TNKS: variants seen among roughly 807,000 people sequenced by gnomAD.
The protein encoded by TNKS is poly [ADP-ribose] polymerase tankyrase-1.
TNKS carries 72 observed loss-of-function variants against 135.8 expected under a neutral mutation model. That is an observed-to-expected ratio of 0.53 (90% confidence interval 0.44 to 0.64). The LOEUF (loss-of-function observed/expected upper bound fraction) is 0.64, where lower values mean the gene tolerates loss of function less well. Among genes scored for constraint, TNKS ranks in the 30% least tolerant of loss-of-function variants. TNKS has a pLI of 0.00. For missense variants in TNKS, 1,769 were observed against 1,674.0 expected, an observed-to-expected ratio of 1.06 and a Z score of -0.99; for synonymous variants, 849 against 649.3, an observed-to-expected ratio of 1.31 and a Z score of -4.68.
chr8:9,633,132 T>C (rs1217540325), intron 3 of TNKS, among the ~76,000 whole-genome samples: 4 of 152,230 alleles, frequency 2.6e-5, no homozygotes, highest in Non-Finnish European at 4.4e-5. Context: ...ATGGTGAAAG[T>C]GTTTTAAAAG....
intron 5 of TNKS, chr8:9,681,251 C>T (rs1461955196): frequency 6.5e-6 from 1 of 153,028 alleles, no homozygotes; most frequent in East Asian, 1.9e-4. Context: ...GATTTTTTTA[C>T]ATCTATGTAA....
chr8:9,638,012 A>G (rs139340880), intron 3 of TNKS, among the ~76,000 whole-genome samples: 1 of 152,170 alleles, frequency 6.6e-6, no homozygotes, highest in Non-Finnish European at 1.5e-5. Flanking sequence ...TTTGTTGCCC[A>G]GGCTGGAGTG....
intron 3 of TNKS, among the ~76,000 whole-genome samples, chr8:9,667,561 T>C (rs1405576184): frequency 6.6e-6 from 1 of 152,250 alleles, no homozygotes; most frequent in Non-Finnish European, 1.5e-5. Context: ...TTTTGAATGA[T>C]GTCAGAACTG....
chr8:9,639,425 T>A (rs1483036609), intron 3 of TNKS, among the ~76,000 whole-genome samples: 3 of 152,102 alleles, frequency 2.0e-5, no homozygotes, highest in Non-Finnish European at 4.4e-5. Flanking sequence ...AATGAAACAT[T>A]TATTTTTTAT....
chr8:9,568,523 G>A, intron 1 of TNKS, among the ~76,000 whole-genome samples: 1 of 152,120 alleles, frequency 6.6e-6, no homozygotes, highest in East Asian at 1.9e-4. Context: ...AAAATAAAAT[G>A]ATAAACTCCA....
At chr8:9,710,457 C>A in intron 11 of TNKS, 1 of 576,918 alleles carries the variant, frequency 1.7e-6, no homozygotes. Context: ...CAAAATATAG[C>A]TATAGTCATT....
chr8:9,648,944 G>GAA (rs553613649), intron 3 of TNKS, among the ~76,000 whole-genome samples: 2 of 134,424 alleles, frequency 1.5e-5, no homozygotes, highest in Admixed American at 7.5e-5. Flanking sequence ...ATTCCTGGGA[G>GAA]AAAAAAAAAA....
chr8:9,734,767 C>T, intron 15 of TNKS, 98 bp from the exon 16 acceptor site: 1 of 1,048,462 alleles, frequency 9.5e-7, no homozygotes, highest in East Asian at 2.5e-5. Context: ...AGATATCTTC[C>T]CCAGAGGAAC....
At chr8:9,586,916 C>T (rs1000670145) in intron 2 of TNKS, among the ~76,000 whole-genome samples, 2 of 151,906 alleles carry the variant, frequency 1.3e-5, no homozygotes, top group African/African-American at 2.4e-5. Context: ...AAACAGGAGT[C>T]GGCGTACCTG....
intron 24 of TNKS, 102 bp from the exon 25 acceptor site, chr8:9,766,137 A>ATTCAT (rs1363251648): frequency 5.2e-6 from 5 of 965,390 alleles, no homozygotes; most frequent in Non-Finnish European, 6.1e-6. Flanking sequence ...TTTATACACC[A>ATTCAT]TTCATTTCTT....
intron 2 of TNKS, among the ~76,000 whole-genome samples, chr8:9,590,996 A>C (rs1282348403): frequency 6.6e-6 from 1 of 152,210 alleles, no homozygotes; most frequent in Non-Finnish European, 1.5e-5. Context: ...ACCCTAGATC[A>C]TGATTTAACT....
At position 9,680,750 on chromosome 8, in the gene TNKS, G is replaced by A. The variant is rs765516903; in HGVS notation, c.1057G>A (p.Ala353Thr). 6.2e-7 allele frequency: 1 copy of A among 1,612,132 alleles called. No homozygotes were observed. Among genetic ancestry groups the A allele is most frequent in the South Asian group, 1.1e-5 (1 of 90,858 alleles). The change falls in exon 5 of 27, where the codon GCT (alanine) becomes ACT (threonine). Residue 353 changes from alanine (A) to threonine (T), a missense_variant. This residue lies in a region of TNKS where 523 missense variants were observed against 541.0 expected (regional missense o/e 0.97). Coordinates refer to ENST00000310430, the MANE Select transcript of TNKS (RefSeq NM_003747.3). ...GAGTGGTAATGAAGAAAAACTAATG[G>A]CTTTACTGACTCCTCTAAATGTGAA... ...ARSGNEEKLM[A>T]LLTPLNVNCH... is the part of the protein sequence containing the mutation.
At chr8:9,744,572 C>G (rs1024758012) in intron 17 of TNKS, among the ~76,000 whole-genome samples, 2 of 152,128 alleles carry the variant, frequency 1.3e-5, no homozygotes, top group Non-Finnish European at 2.9e-5. Context: ...GATTCTGAAA[C>G]TAGGTTAAAT....
intron 5 of TNKS, among the ~76,000 whole-genome samples, chr8:9,682,012 A>G (rs1294524602): frequency 6.6e-6 from 1 of 152,170 alleles, no homozygotes; most frequent in Non-Finnish European, 1.5e-5. Flanking sequence ...AGATTTACTC[A>G]GCACTATTAG....
intron 1 of TNKS, 96 bp from the exon 2 acceptor site, chr8:9,580,063 C>A (rs921497800): frequency 3.0e-6 from 3 of 991,238 alleles, no homozygotes; most frequent in East Asian, 2.4e-5. Flanking sequence ...TGCAGTACTT[C>A]AGTTGTTCAT....
At chr8:9,665,943 C>G (rs1801965255) in intron 3 of TNKS, among the ~76,000 whole-genome samples, 1 of 152,094 alleles carries the variant, frequency 6.6e-6, no homozygotes, top group Non-Finnish European at 1.5e-5. Context: ...TCTCTTTTTA[C>G]TACTCTTCTC....
At chr8:9,594,381 A>G (rs958785999) in intron 2 of TNKS, among the ~76,000 whole-genome samples, 2 of 152,196 alleles carry the variant, frequency 1.3e-5, no homozygotes, top group Non-Finnish European at 2.9e-5. Flanking sequence ...AAAATCAATT[A>G]CAGTTTTAAA....
At chr8:9,627,886 T>G (rs562525287) in intron 3 of TNKS, among the ~76,000 whole-genome samples, 1 of 152,344 alleles carries the variant, frequency 6.6e-6, no homozygotes, top group South Asian at 2.1e-4. Flanking sequence ...TTTTCATATT[T>G]CATTGAAAAA....
At chr8:9,773,258 A>C (rs1245512769) in intron 26 of TNKS, among the ~76,000 whole-genome samples, 5 of 152,158 alleles carry the variant, frequency 3.3e-5, no homozygotes, top group African/African-American at 1.2e-4. Context: ...AAATTTAAAC[A>C]ACCTAAATAT....
Sources: gnomAD v4.1 joint callset for allele counts (sites outside exome capture counted in the v4.1 genomes callset) on GRCh38, gnomAD v4.1.1 for gene constraint, gnomAD v4.1.1 regional missense constraint, MANE v1.5 for transcripts, NCBI Gene and HGNC (gene_info 2026-07-23, HGNC 2026-07-21) for gene names.